Variants in HECTD2 observed in about 807,000 individuals in gnomAD.
HECTD2 encodes HECT domain E3 ubiquitin protein ligase 2.
In HECTD2, 35 loss-of-function variants were observed where a neutral mutation model predicts 103.2. The observed-to-expected ratio is 0.34, with a 90% confidence interval of 0.26 to 0.45. The LOEUF is 0.45. HECTD2 is among the 20% of genes least tolerant of loss of function. The pLI, the probability that HECTD2 is intolerant of heterozygous loss-of-function variation, is 1.00. For synonymous variants in HECTD2, 281 were observed against 329.9 expected (o/e 0.85, Z 1.61); for missense variants, 596 against 937.4 (o/e 0.64, Z 4.76).
intron 5 of HECTD2, among the ~76,000 whole-genome samples, chr10:91,475,673 C>A (rs770859937): frequency 6.6e-6 from 1 of 152,162 alleles, no homozygotes; most frequent in Non-Finnish European, 1.5e-5. Context: ...ATGGCCCAAA[C>A]GAGATGTTTT....
Position 91,487,328 on chromosome 10 carries a change from C to T in HECTD2, c.1095-354C>T, listed in dbSNP as rs544581223. 14 of 237,298 alleles carry T rather than the reference C, an allele frequency of 5.9e-5. No individual in the cohort carries two copies. The East Asian group carries it at 1.1e-3, about 19-fold the overall frequency. The allele number at this position is 237,298 out of a possible 1,614,324, so 14.7% of individuals were successfully genotyped here. Reference sequence around the variant, plus strand: ...TATTAATTTTGAGCACCTGGGTTTTCTGTACTACTTAACCAACACTTCTCC... The same window carrying T: ...TATTAATTTTGAGCACCTGGGTTTTTTGTACTACTTAACCAACACTTCTCC... On this transcript the variant is annotated intron_variant, in intron 10 of 20. Transcript: ENST00000298068. This position sits in a 1 kb window ranked among gnomAD's most constrained non-coding sequence, Gnocchi z 4.1.
intron 1 of HECTD2, among the ~76,000 whole-genome samples, chr10:91,422,035 TTTCTGCCCTTTA>T: frequency 6.6e-6 from 1 of 152,318 alleles, no homozygotes; most frequent in South Asian, 2.1e-4. Context: ...GCTTCCAGTA[TTTCTGCCCTTTA>T]TTCTATTCCC....
Position 91,473,790 on chromosome 10 carries a change from A to G in HECTD2, c.601-4411A>G, listed in dbSNP as rs190642026. On this transcript the variant is annotated intron_variant, in intron 5 of 20. Coordinates refer to ENST00000298068, the MANE Select transcript of HECTD2 (RefSeq NM_182765.6). Reference sequence around the variant, plus strand: ...ATTCAGTGTATAATACATAATACATATAAAATATGTGTTAATAAACTATAT... The same window carrying G: ...ATTCAGTGTATAATACATAATACATGTAAAATATGTGTTAATAAACTATAT... 2.3e-4 allele frequency among the ~76,000 whole-genome samples: 35 copies of G among 152,348 alleles called. 1 individual carries two copies. The highest frequency in any genetic ancestry group is 8.5e-4 in the Admixed American group (13 of 15,302).
intron 2 of HECTD2, among the ~76,000 whole-genome samples, chr10:91,449,979 A>G (rs1475162090): frequency 3.9e-5 from 6 of 152,282 alleles, no homozygotes; most frequent in African/African-American, 9.6e-5. Context: ...ATTCAATGCT[A>G]TCCCCATCAA....
At chr10:91,482,220 A>AGT (rs1187199451) in intron 7 of HECTD2, among the ~76,000 whole-genome samples, 1 of 151,906 alleles carries the variant, frequency 6.6e-6, no homozygotes, top group African/African-American at 2.4e-5. Context: ...TCTGTCAATA[A>AGT]GTCAGTTTTG....
chr10:91,424,376 A>G (rs1843476906), intron 1 of HECTD2, among the ~76,000 whole-genome samples: 1 of 152,132 alleles, frequency 6.6e-6, no homozygotes, highest in Non-Finnish European at 1.5e-5. Context: ...GTGAATTAAG[A>G]AGGAGGAGAT....
chr10:91,486,247 C>T, intron 10 of HECTD2: 1 of 152,084 alleles, frequency 6.6e-6, no homozygotes, highest in African/African-American at 2.4e-5. Flanking sequence ...TCTGAACACT[C>T]AGAACTGAAT....
intron 4 of HECTD2, 109 bp from the exon 5 acceptor site, chr10:91,461,986 T>C (rs1376325830): frequency 1.2e-6 from 1 of 807,200 alleles, no homozygotes; most frequent in African/African-American, 1.8e-5. Context: ...TCTTTTTTAT[T>C]ATCAGACTAA....
intron 9 of HECTD2, 79 bp from the exon 10 acceptor site, chr10:91,485,101 A>G: frequency 1.0e-6 from 1 of 996,296 alleles, no homozygotes; most frequent in Non-Finnish European, 1.4e-6. Context: ...TCTTGTAGAC[A>G]TTAAAATGAT....
At chr10:91,461,013 G>A (rs367920158) in intron 3 of HECTD2, among the ~76,000 whole-genome samples, 5 of 152,016 alleles carry the variant, frequency 3.3e-5, no homozygotes, top group African/African-American at 9.7e-5. Context: ...AGGAAGGAGC[G>A]ATAATTGAGC....
Position 91,499,140 on chromosome 10 carries a change from A to G in HECTD2, c.1940A>G (p.Asn647Ser). 6.3e-7 allele frequency: 1 copy of G among 1,599,012 alleles called. No individual in the cohort carries two copies. Among genetic ancestry groups the G allele is most frequent in the Non-Finnish European group, 8.6e-7 (1 of 1,166,600 alleles). ...YYGFHSVCAS[N>S]ALMLLRPEEV... ...GGATTTCATAGTGTGTGTGCTTCAA[A>G]TGCCCTAATGGTGAGTTTATAACTT... Residue 647 changes from asparagine to serine, a missense_variant, in exon 18 of 21, where the codon AAT becomes AGT. By Grantham distance (46) the Asn-to-Ser change is conservative (BLOSUM62 1). Around this residue, in one of 4 missense-constraint regions of HECTD2, gnomAD observed 69 missense variants for 153.8 expected, o/e 0.45. Transcript: ENST00000298068.
chr10:91,503,111 GAC>G (rs1208363986), intron 20 of HECTD2, among the ~76,000 whole-genome samples: 1 of 152,158 alleles, frequency 6.6e-6, no homozygotes, highest in East Asian at 1.9e-4. Context: ...GACATGAACA[GAC>G]ACTTTTCAAA....
intron 5 of HECTD2, among the ~76,000 whole-genome samples, chr10:91,472,466 T>G (rs1192910170): frequency 6.6e-6 from 1 of 152,154 alleles, no homozygotes; most frequent in Non-Finnish European, 1.5e-5. Context: ...GTGACCTAAT[T>G]AAACTGAAGA....
intron 20 of HECTD2, among the ~76,000 whole-genome samples, chr10:91,503,801 T>C (rs1376714967): frequency 6.6e-6 from 1 of 152,090 alleles, no homozygotes; most frequent in African/African-American, 2.4e-5. Context: ...TGCCTGCCTC[T>C]GTAGGCTCCA....
At chr10:91,420,512 C>T (rs1843311104) in intron 1 of HECTD2, among the ~76,000 whole-genome samples, 1 of 150,994 alleles carries the variant, frequency 6.6e-6, no homozygotes. Context: ...TCAGTAGAAC[C>T]AGGAGGCAGA....
chr10:91,498,498 G>A (rs919842804), intron 16 of HECTD2, among the ~76,000 whole-genome samples: 1 of 152,160 alleles, frequency 6.6e-6, no homozygotes, highest in Admixed American at 6.5e-5. Context: ...GAAGCTAGGA[G>A]TAGAAACTAA....
At chr10:91,416,321 A>G (rs1843125101) in intron 1 of HECTD2, among the ~76,000 whole-genome samples, 2 of 152,270 alleles carry the variant, frequency 1.3e-5, no homozygotes. Context: ...AAAACCTTGT[A>G]CAAAGCACTC....
At chr10:91,409,468 A>G (rs888137610), upstream of HECTD2, 1 of 152,698 alleles carries the variant, frequency 6.5e-6, no homozygotes, top group Non-Finnish European at 1.5e-5. Flanking sequence ...GAAGGGACGG[A>G]TAGGAGACAG....
chr10:91,465,609 T>C (rs1166857363), intron 5 of HECTD2, among the ~76,000 whole-genome samples: 2 of 151,958 alleles, frequency 1.3e-5, no homozygotes, highest in African/African-American at 4.8e-5. Flanking sequence ...AGTTCTCCTC[T>C]ACTTCTTGTT....
Sources: allele counts gnomAD v4.1 joint callset (sites outside exome capture counted in the v4.1 genomes callset), GRCh38; gene constraint gnomAD v4.1.1; regional missense constraint gnomAD v4.1.1; non-coding constraint Gnocchi (gnomAD v3.1); transcripts MANE v1.5; gene names NCBI Gene and HGNC (gene_info 2026-07-23, HGNC 2026-07-21).